POT1: variants seen among roughly 807,000 people sequenced by gnomAD.
POT1 encodes protection of telomeres 1, also known as protection of telomeres protein 1.
In POT1, 47 loss-of-function variants were observed where a neutral mutation model predicts 78.5. The observed-to-expected ratio is 0.60, with a 90% CI of 0.47 to 0.76. The LOEUF is 0.76. POT1 is among the 30% of genes least tolerant of loss of function. The pLI is 0.00. For missense variants in POT1, 646 were observed against 749.9 expected (o/e 0.86, Z 1.62); for synonymous variants, 259 against 260.7 (o/e 0.99, Z 0.06).
At chr7:124,884,325 T>C (rs919764391) in intron 6 of POT1, among the ~76,000 whole-genome samples, 1 of 152,136 alleles carries the variant, frequency 6.6e-6, no homozygotes, top group Non-Finnish European at 1.5e-5. Context: ...CAGAATCCAG[T>C]GTTTTGGATG....
chr7:124,828,917 C>G (rs1452018086), intron 16 of POT1: 1 of 566,882 alleles, frequency 1.8e-6, no homozygotes, highest in Non-Finnish European at 3.4e-6. Flanking sequence ...TAATTTCACT[C>G]TATTCTGAAT....
intron 9 of POT1, among the ~76,000 whole-genome samples, chr7:124,857,603 G>T (rs754698472): frequency 2.0e-5 from 3 of 152,196 alleles, no homozygotes; most frequent in African/African-American, 7.2e-5. Context: ...TGACTTCAGA[G>T]GGACAGCTTG....
At chr7:124,920,506 G>A (rs567066386) in intron 2 of POT1, among the ~76,000 whole-genome samples, 32 of 152,194 alleles carry the variant, frequency 2.1e-4, no homozygotes, top group Non-Finnish European at 4.3e-4. Context: ...GCACGTATTC[G>A]TCAAAACTCA....
At position 124,874,515 on chromosome 7, in the gene POT1, T is replaced by C. The variant is rs181734458; in HGVS notation, c.125-3474A>G. The stretch of plus-strand genomic sequence containing the variant: ...TTGGGAGGCCGAGTGGGTGGATCAT[T>C]TGAGGTCCGCAGTTAAAGACCAGCC... On this transcript the variant is annotated intron_variant, in intron 6 of 18. Transcript: ENST00000357628. 2.8e-3 allele frequency among the ~76,000 whole-genome samples: 421 copies of C among 152,026 alleles called. 3 individuals are homozygous for C. The highest frequency in any genetic ancestry group is 6.0e-3 in the South Asian group (29 of 4,828).
At chr7:124,875,094 G>A (rs1795958138) in intron 6 of POT1, among the ~76,000 whole-genome samples, 1 of 152,130 alleles carries the variant, frequency 6.6e-6, no homozygotes, top group Non-Finnish European at 1.5e-5. Context: ...AGTAAGGACT[G>A]ATACTTCATG....
intron 3 of POT1, among the ~76,000 whole-genome samples, chr7:124,908,673 G>A (rs1014976773): frequency 6.6e-6 from 1 of 151,678 alleles, no homozygotes; most frequent in Non-Finnish European, 1.5e-5. Flanking sequence ...TTCTTCTCCA[G>A]GGGACACTAT....
At chr7:124,878,195 G>A (rs1183495657) in intron 6 of POT1, among the ~76,000 whole-genome samples, 6 of 152,040 alleles carry the variant, frequency 3.9e-5, no homozygotes, top group Non-Finnish European at 8.8e-5. Flanking sequence ...AACCAGGTGT[G>A]GTGGTGCGTG....
intron 17 of POT1, among the ~76,000 whole-genome samples, chr7:124,826,071 AG>A (rs1213098593): frequency 2.0e-5 from 3 of 152,188 alleles, no homozygotes; most frequent in African/African-American, 7.2e-5. Flanking sequence ...AATATGATGT[AG>A]GGTGGAAAGT....
intron 3 of POT1, among the ~76,000 whole-genome samples, chr7:124,900,387 C>A (rs373347441): frequency 9.2e-5 from 14 of 152,152 alleles, no homozygotes; most frequent in African/African-American, 2.7e-4. Flanking sequence ...GATTCTCTCT[C>A]AGAAACAAGT....
At chr7:124,876,602 G>A (rs991163584) in intron 6 of POT1, among the ~76,000 whole-genome samples, 12 of 152,082 alleles carry the variant, frequency 7.9e-5, no homozygotes, top group Non-Finnish European at 1.2e-4. Flanking sequence ...CCTCACTTAC[G>A]CAATTTGGTT....
At chr7:124,851,730 A>C (rs1795310295) in intron 11 of POT1, 142 bp downstream of exon 11, 1 of 666,830 alleles carries the variant, frequency 1.5e-6, no homozygotes, top group Admixed American at 3.0e-5. Flanking sequence ...GGCATAGGCC[A>C]CAGATAAAGA....
chr7:124,875,297 T>A (rs767460903), intron 6 of POT1, among the ~76,000 whole-genome samples: 1 of 152,152 alleles, frequency 6.6e-6, no homozygotes. Context: ...AATTATTTCA[T>A]CACTATGCAT....
chr7:124,884,279 C>T (rs1685028973), intron 6 of POT1, among the ~76,000 whole-genome samples: 1 of 151,946 alleles, frequency 6.6e-6, no homozygotes, highest in Non-Finnish European at 1.5e-5. Context: ...CATCCTATCC[C>T]AAAATCTAAA....
chr7:124,873,038 C>A (rs1020582864), intron 6 of POT1, among the ~76,000 whole-genome samples: 10 of 152,266 alleles, frequency 6.6e-5, no homozygotes, highest in Admixed American at 3.3e-4. Flanking sequence ...TGTTTTCTAA[C>A]CATCTAGTTG....
intron 2 of POT1, among the ~76,000 whole-genome samples, chr7:124,916,982 A>G (rs149500271): frequency 2.6e-5 from 4 of 152,100 alleles, no homozygotes; most frequent in Admixed American, 2.6e-4. Flanking sequence ...AAAAAAAAAC[A>G]TGTCAATCCA....
chr7:124,825,120 G>C (rs867076837), intron 18 of POT1, 132 bp downstream of exon 18: 67 of 476,838 alleles, frequency 1.4e-4, no homozygotes, highest in African/African-American at 1.2e-3. Flanking sequence ...GTTGATCATA[G>C]AGTAATCACT....
chr7:124,869,446 TAAC>T lies in POT1; in HGVS notation c.255+1462_255+1464del, dbSNP rs1264579324. Among the ~76,000 whole-genome samples the T allele has an allele frequency of 1.1e-4, 16 of 152,256 alleles. No individual in the cohort carries two copies. In the South Asian group the frequency reaches 2.1e-3, roughly 20 times the overall value. ...ATTAAATAGTAACTTCCATAAACAATAACAACAACTAAATATGTTTATGAAGAG... is the reference window on the plus strand; with the variant it reads ...ATTAAATAGTAACTTCCATAAACAATAACAACTAAATATGTTTATGAAGAG... On this transcript the variant is annotated intron_variant, in intron 7 of 18. Transcript: ENST00000357628.
At chr7:124,923,787 G>A (rs1185218619) in intron 2 of POT1, among the ~76,000 whole-genome samples, 4 of 150,708 alleles carry the variant, frequency 2.7e-5, no homozygotes, top group Non-Finnish European at 5.9e-5. Flanking sequence ...CAAGAGAAAA[G>A]CATCTATCTA....
intron 3 of POT1, 136 bp downstream of exon 3, chr7:124,915,438 A>G (rs1053236346): frequency 6.6e-6 from 1 of 152,210 alleles, no homozygotes; most frequent in Non-Finnish European, 1.5e-5. Context: ...AACTAGAAGC[A>G]GTTAGCTACT....
Sources: gnomAD v4.1 joint callset for allele counts (sites outside exome capture counted in the v4.1 genomes callset) on GRCh38, gnomAD v4.1.1 for gene constraint, MANE v1.5 for transcripts, NCBI Gene and HGNC (gene_info 2026-07-23, HGNC 2026-07-21) for gene names.